RBM4: variants seen among roughly 807,000 people sequenced by gnomAD.
RBM4 encodes RNA-binding protein 4.
Under a neutral mutation model 29.5 loss-of-function variants are expected in RBM4, and 7 were observed. The ratio of observed to expected loss-of-function variants is 0.24; its 90% CI spans 0.14 to 0.45. The LOEUF is 0.45. Ranked by LOEUF, RBM4 falls within the 20% of genes least tolerant of loss-of-function variation. The probability of loss-of-function intolerance (pLI) is 1.00; values close to 1 mark genes in which losing one functional copy is unlikely to be tolerated. For synonymous variants in RBM4, 220 were observed against 205.4 expected, an observed-to-expected ratio of 1.07 and a Z score of -0.61; for missense variants, 387 against 502.3, an observed-to-expected ratio of 0.77 and a Z score of 2.19.
intron 2 of RBM4, chr11:66,640,532 A>C: frequency 2.8e-6 from 1 of 354,076 alleles, no homozygotes; most frequent in Non-Finnish European, 5.1e-6. Flanking sequence ...TCTCAAAAAC[A>C]TGTCAAGCGA....
At chr11:66,661,056 C>A (rs1373178461) in intron 2 of RBM4, among the ~76,000 whole-genome samples, 4 of 152,186 alleles carry the variant, frequency 2.6e-5, no homozygotes, top group Non-Finnish European at 4.4e-5. Context: ...GTGACAGATA[C>A]ACGGTTTGAA....
intron 2 of RBM4, chr11:66,640,566 T>C (rs1444373581): frequency 1.4e-5 from 4 of 279,868 alleles, no homozygotes; most frequent in African/African-American, 8.8e-5. Context: ...AGAATCCTTG[T>C]TAAGCTGTCC....
At chr11:66,650,580 T>C (rs189613501), downstream of RBM4, among the ~76,000 whole-genome samples, 245 of 140,210 alleles carry the variant, frequency 1.7e-3, 2 homozygotes, top group East Asian at 1.8e-3. Flanking sequence ...TTAATAATAA[T>C]AGGCCAGGCG....
exon 3 of RBM4, chr11:66,667,239 G>A (rs1039622942): frequency 2.0e-5 from 3 of 152,134 alleles, no homozygotes; most frequent in Non-Finnish European, 4.4e-5. Flanking sequence ...CAGATGAAAA[G>A]ATTTATCTAT....
At chr11:66,661,291 T>C (rs553118067) in intron 2 of RBM4, among the ~76,000 whole-genome samples, 2 of 152,266 alleles carry the variant, frequency 1.3e-5, no homozygotes, top group East Asian at 3.9e-4. Flanking sequence ...CTCCCCTCCT[T>C]CCTTTTCCCA....
chr11:66,652,100 C>A (rs1938844435), intron 2 of RBM4, among the ~76,000 whole-genome samples: 1 of 151,884 alleles, frequency 6.6e-6, no homozygotes, highest in African/African-American at 2.4e-5. Context: ...GAGCAAAACT[C>A]ATAGAAATGA....
At position 66,643,441 on chromosome 11, in the gene RBM4, TTC is replaced by T. The variant is rs1938554794; in HGVS notation, c.413-7_413-6del. On this transcript the variant is annotated splice_polypyrimidine_tract_variant and splice_region_variant and intron_variant, in intron 2 of 3. Coordinates refer to ENST00000310092, the MANE Select transcript of RBM4 (RefSeq NM_002896.4). This position sits in a 1 kb window ranked among gnomAD's most constrained non-coding sequence, Gnocchi z 6.1. ...TGATAGCAACCCTTCTTGCGTCTGTTTCTTCAAGGCAAACGAATGCACGTGCA... is the reference window on the plus strand; with the variant it reads ...TGATAGCAACCCTTCTTGCGTCTGTTTTCAAGGCAAACGAATGCACGTGCA... 6.3e-7 allele frequency: 1 copy of T among 1,596,192 alleles called. No individual in the cohort carries two copies. Among genetic ancestry groups the T allele is most frequent in the Admixed American group, 1.7e-5 (1 of 59,234 alleles).
At chr11:66,644,199 G>A in intron 3 of RBM4, 59 bp downstream of exon 3, 1 of 1,545,684 alleles carries the variant, frequency 6.5e-7, no homozygotes, top group Non-Finnish European at 8.7e-7. Flanking sequence ...AGCCTAAAGG[G>A]CTCCAATTAG....
Position 66,640,388 on chromosome 11 carries a change from C to T in RBM4, c.412+265C>T, listed in dbSNP as rs1249687742. 2.6e-5 allele frequency: 14 copies of T among 545,750 alleles called. 1 individual carries two copies. In the East Asian group the frequency reaches 3.8e-4, roughly 15 times the overall value. 33.8% of individuals were successfully genotyped at this position (545,750 alleles called of 1,614,324 possible). On this transcript the variant is annotated intron_variant, in intron 2 of 3. Transcript: ENST00000310092. ...TGCTTATCAGTGCAGAAACCCTTTT[C>T]TTTGAAGGCTTTCTGAGTTACTGGG...
At chr11:66,665,397 G>C in intron 2 of RBM4, 1 of 634,740 alleles carries the variant, frequency 1.6e-6, no homozygotes, top group Non-Finnish European at 2.8e-6. Flanking sequence ...AGGCTACAGA[G>C]ACTAGTTTCA....
intron 2 of RBM4, among the ~76,000 whole-genome samples, chr11:66,664,171 GT>G (rs767344100): frequency 0.044 from 5,017 of 113,510 alleles, 51 homozygotes; most frequent in Middle Eastern, 0.076. Context: ...ATGCCCAGCT[GT>G]TTTTTTTTTT....
intron 2 of RBM4, among the ~76,000 whole-genome samples, chr11:66,653,177 T>G (rs1241913155): frequency 6.6e-6 from 1 of 152,128 alleles, no homozygotes; most frequent in African/African-American, 2.4e-5. Flanking sequence ...TGGGGCTTCC[T>G]TTGTACAGTT....
At chr11:66,641,775 G>T (rs1565080482) in intron 2 of RBM4, among the ~76,000 whole-genome samples, 1 of 152,170 alleles carries the variant, frequency 6.6e-6, no homozygotes, top group Non-Finnish European at 1.5e-5. Context: ...AATTATAGAT[G>T]TATATTGATG....
chr11:66,654,527 G>A (rs1472587961), intron 2 of RBM4, among the ~76,000 whole-genome samples: 2 of 151,866 alleles, frequency 1.3e-5, no homozygotes, highest in Non-Finnish European at 2.9e-5. Flanking sequence ...TTTGAGACAA[G>A]GTCTCACTTT....
At chr11:66,644,777 C>T (rs761392974) in intron 3 of RBM4, 1 of 855,314 alleles carries the variant, frequency 1.2e-6, no homozygotes, top group Admixed American at 6.2e-5. Flanking sequence ...CAAAACTTAT[C>T]TTTTATAAAG....
chr11:66,665,730 T>G (rs1939204406), intron 2 of RBM4: 1 of 1,372,262 alleles, frequency 7.3e-7, no homozygotes, highest in African/African-American at 1.5e-5. Flanking sequence ...ATATCCCATG[T>G]AATTACCTAG....
intron 2 of RBM4, among the ~76,000 whole-genome samples, chr11:66,664,013 C>T (rs557825390): frequency 1.3e-5 from 2 of 151,898 alleles, no homozygotes; most frequent in African/African-American, 2.4e-5. Context: ...AACCTAAATC[C>T]TTTTTTGTTG....
downstream of RBM4, chr11:66,649,673 A>G: frequency 5.8e-6 from 4 of 691,134 alleles, no homozygotes; most frequent in South Asian, 4.6e-5. Flanking sequence ...TGTGTAATTG[A>G]CAAGGTTATG....
rs538492044 is a variant in RBM4, at chr11:66,663,690, A to ATG, written c.413-2158_413-2157dup. On this transcript the variant is annotated intron_variant, in intron 2 of 2. Transcript: ENST00000396053. The stretch of plus-strand genomic sequence containing the variant: ...GGAGAGGGGTGGTAACTAGGCAAAA[A>ATG]TGTGTGTGTATATGTGTGTGTGTGT... Among the ~76,000 whole-genome samples, 6 of 136,234 alleles carry ATG rather than the reference A, an allele frequency of 4.4e-5. No individual in the cohort carries two copies. In the South Asian group the frequency reaches 8.2e-4, roughly 19 times the overall value. The allele number at this position is 136,234 out of a possible 152,430, so 89.4% of individuals were successfully genotyped here.
Sources: allele counts gnomAD v4.1 joint callset (sites outside exome capture counted in the v4.1 genomes callset), GRCh38; gene constraint gnomAD v4.1.1; non-coding constraint Gnocchi (gnomAD v3.1); transcripts MANE v1.5; gene names NCBI Gene and HGNC (gene_info 2026-07-23, HGNC 2026-07-21).